TMEM132D: variants seen among roughly 807,000 people sequenced by gnomAD.
TMEM132D encodes transmembrane protein 132D.
In TMEM132D, 21 loss-of-function variants were observed where a neutral mutation model predicts 62.3. The ratio of observed to expected loss-of-function variants is 0.34; its 90% CI spans 0.24 to 0.49. TMEM132D has a LOEUF of 0.49. Ranked by LOEUF, TMEM132D falls within the 20% of genes least tolerant of loss-of-function variation. TMEM132D has a pLI of 0.99. For synonymous variants in TMEM132D, 621 were observed against 575.6 expected, an observed-to-expected ratio of 1.08 and a Z score of -1.13; for missense variants, 1,346 against 1,402.8, an observed-to-expected ratio of 0.96 and a Z score of 0.65.
chr12:129,490,977 G>A (rs1316666265), intron 3 of TMEM132D, among the ~76,000 whole-genome samples: 1 of 151,970 alleles, frequency 6.6e-6, no homozygotes, highest in Non-Finnish European at 1.5e-5. Context: ...TGGTTCCCAC[G>A]GATTTCTTAG....
At chr12:129,553,356 G>A (rs1371756317) in intron 2 of TMEM132D, among the ~76,000 whole-genome samples, 1 of 152,092 alleles carries the variant, frequency 6.6e-6, no homozygotes, top group Admixed American at 6.6e-5. Flanking sequence ...TCTGCTCTGT[G>A]CGTGTCTGTG....
At chr12:129,788,224 T>A (rs1003090509) in intron 1 of TMEM132D, among the ~76,000 whole-genome samples, 20 of 152,246 alleles carry the variant, frequency 1.3e-4, no homozygotes, top group African/African-American at 4.3e-4. Context: ...GGAATTGGAC[T>A]TTCCTGAAAG....
At chr12:129,617,464 A>T (rs1272518478) in intron 2 of TMEM132D, among the ~76,000 whole-genome samples, 1 of 152,108 alleles carries the variant, frequency 6.6e-6, no homozygotes, top group Non-Finnish European at 1.5e-5. Flanking sequence ...AATGCCACAG[A>T]CTTGGTAGCT....
intron 1 of TMEM132D, among the ~76,000 whole-genome samples, chr12:129,837,056 C>A (rs1054886213): frequency 6.6e-6 from 1 of 152,172 alleles, no homozygotes; most frequent in South Asian, 2.1e-4. Flanking sequence ...GAAACGGAAA[C>A]CATGACACGT....
At chr12:129,470,968 G>A (rs1266395852) in intron 3 of TMEM132D, among the ~76,000 whole-genome samples, 2 of 152,182 alleles carry the variant, frequency 1.3e-5, no homozygotes, top group Non-Finnish European at 2.9e-5. Flanking sequence ...AGAACACAGA[G>A]AGGCTCAGAT....
intron 5 of TMEM132D, among the ~76,000 whole-genome samples, chr12:129,151,101 G>A (rs1054380416): frequency 6.6e-6 from 1 of 152,158 alleles, no homozygotes; most frequent in Admixed American, 6.5e-5. Context: ...ACTTCACGAG[G>A]CACATCCACC....
chr12:129,434,980 C>A (rs1038365952), intron 3 of TMEM132D, among the ~76,000 whole-genome samples: 1 of 152,130 alleles, frequency 6.6e-6, no homozygotes, highest in South Asian at 2.1e-4. Flanking sequence ...CCAGTACCCT[C>A]CCTAGCCTCT....
chr12:129,322,995 T>C (rs1017828573), intron 4 of TMEM132D, among the ~76,000 whole-genome samples: 1 of 152,190 alleles, frequency 6.6e-6, no homozygotes, highest in Non-Finnish European at 1.5e-5. Flanking sequence ...CATTTAAAAA[T>C]TGTCAGGAAA....
Position 129,072,359 on chromosome 12 carries a change from G to GCAAT in TMEM132D, c.*1512_*1515dup, listed in dbSNP as rs1393195595. On this transcript the variant is annotated 3_prime_UTR_variant, in exon 9 of 9. Transcript: ENST00000422113. ...TCTTTTGCAGGATCCTATCTGGCTGGCAATCACCCAACACACCATTCTCTA... is the reference window on the plus strand; with the variant it reads ...TCTTTTGCAGGATCCTATCTGGCTGGCAATCAATCACCCAACACACCATTCTCTA... 3 of 152,542 alleles carry GCAAT rather than the reference G, an allele frequency of 2.0e-5. No homozygotes were observed. Among genetic ancestry groups the GCAAT allele is most frequent in the Non-Finnish European group, 2.9e-5 (2 of 68,130 alleles). 9.4% of individuals were successfully genotyped at this position (152,542 alleles called of 1,614,324 possible).
rs1013965251 is a variant in TMEM132D, at chr12:129,867,363, T to C, written c.79+35898A>G. On this transcript the variant is annotated intron_variant, in intron 1 of 8. Coordinates refer to ENST00000422113, the MANE Select transcript of TMEM132D (RefSeq NM_133448.3). The surrounding 1 kb of genome is among the most constrained non-coding windows in gnomAD (Gnocchi z 4.5). Reference sequence around the variant, plus strand: ...AAATAAGCCAGGCACAGAAACCACATGATCTCACTCACATGCAGAATCTAA... The same window carrying C: ...AAATAAGCCAGGCACAGAAACCACACGATCTCACTCACATGCAGAATCTAA... 6.6e-6 allele frequency among the ~76,000 whole-genome samples: 1 copy of C among 152,132 alleles called. No homozygotes were observed. The highest frequency in any genetic ancestry group is 1.5e-5 in the Non-Finnish European group (1 of 68,012).
intron 5 of TMEM132D, among the ~76,000 whole-genome samples, chr12:129,086,310 G>A (rs1185402785): frequency 6.6e-6 from 1 of 152,164 alleles, no homozygotes; most frequent in Non-Finnish European, 1.5e-5. Flanking sequence ...ATAGTGCACA[G>A]TGGTGAAGCC....
rs1333673533 is a variant in TMEM132D at position 129,084,623 on chromosome 12, T to G, written c.1523A>C (p.Tyr508Ser). Reference protein sequence around the residue: ...GKVNVVVNFTYQHLSSPLEMT... With the variant: ...GKVNVVVNFTSQHLSSPLEMT... ...CTCCAGGGGGCTGCTCAGGTGCTGG[T>G]AGGTGAAGTTCACCACCACGTTGAC... is the stretch of plus-strand genomic sequence containing the variant. Residue 508 changes from tyrosine to serine, a missense_variant, in exon 6 of 9, where the codon TAC (tyrosine) becomes TCC (serine). Transcript: ENST00000422113. 2.8e-5 allele frequency: 45 copies of G among 1,614,142 alleles called. No individual in the cohort carries two copies. Among genetic ancestry groups the G allele is most frequent in the Non-Finnish European group, 3.8e-5 (45 of 1,180,002 alleles).
intron 4 of TMEM132D, among the ~76,000 whole-genome samples, chr12:129,320,221 C>T (rs1216448229): frequency 6.6e-6 from 1 of 152,192 alleles, no homozygotes; most frequent in Non-Finnish European, 1.5e-5. Context: ...ATTTTCAGTT[C>T]TGGGACTACA....
At chr12:129,872,598 A>G (rs1346464840) in intron 1 of TMEM132D, among the ~76,000 whole-genome samples, 1 of 152,252 alleles carries the variant, frequency 6.6e-6, no homozygotes, top group Non-Finnish European at 1.5e-5. Flanking sequence ...GATGCTGTTT[A>G]GAAGAGTCAT....
intron 2 of TMEM132D, among the ~76,000 whole-genome samples, chr12:129,630,855 C>A: frequency 6.6e-6 from 1 of 151,974 alleles, no homozygotes; most frequent in East Asian, 1.9e-4. Context: ...CTCCCTCCAC[C>A]CACCCTCCAC....
At chr12:129,114,423 TC>T (rs958273867) in intron 5 of TMEM132D, among the ~76,000 whole-genome samples, 2 of 150,970 alleles carry the variant, frequency 1.3e-5, no homozygotes, top group African/African-American at 4.9e-5. Flanking sequence ...CTTCCCTCCT[TC>T]CCTCCTTCCT....
intron 2 of TMEM132D, among the ~76,000 whole-genome samples, chr12:129,653,140 G>A (rs538228209): frequency 1.3e-5 from 2 of 152,298 alleles, no homozygotes; most frequent in Admixed American, 6.5e-5. Context: ...TTCCACGCTG[G>A]AGGTCATGAG....
intron 5 of TMEM132D, among the ~76,000 whole-genome samples, chr12:129,160,659 A>T (rs751297642): frequency 6.6e-6 from 1 of 152,158 alleles, no homozygotes; most frequent in Non-Finnish European, 1.5e-5. Context: ...AATTTCCCTC[A>T]TGTTTAAGTT....
intron 3 of TMEM132D, among the ~76,000 whole-genome samples, chr12:129,479,623 C>T (rs1034695104): frequency 2.0e-5 from 3 of 152,172 alleles, no homozygotes; most frequent in African/African-American, 7.2e-5. Flanking sequence ...AATAAGTTAA[C>T]CTTACAGTAT....
Sources: allele counts gnomAD v4.1 joint callset (sites outside exome capture counted in the v4.1 genomes callset), GRCh38; gene constraint gnomAD v4.1.1; non-coding constraint Gnocchi (gnomAD v3.1); transcripts MANE v1.5; gene names NCBI Gene and HGNC (gene_info 2026-07-23, HGNC 2026-07-21).